The following BTBD9 variants were observed in gnomAD, a reference collection of about 807,000 sequenced individuals.
The protein encoded by BTBD9 is BTB domain containing 9.
BTBD9 carries 49 observed loss-of-function variants against 64.3 expected under a neutral mutation model. That is an observed-to-expected ratio of 0.76 (90% CI 0.61 to 0.97). The LOEUF (loss-of-function observed/expected upper bound fraction) is 0.97, where lower values mean the gene tolerates loss of function less well. BTBD9 is among the 50% of genes least tolerant of loss of function. The probability of loss-of-function intolerance (pLI) is 0.00; values close to 1 mark genes in which losing one functional copy is unlikely to be tolerated. For missense variants in BTBD9, 598 were observed against 762.1 expected, an observed-to-expected ratio of 0.78 and a Z score of 2.53; for synonymous variants, 260 against 274.7, an observed-to-expected ratio of 0.95 and a Z score of 0.53.
At chr6:38,427,931 A>G (rs1768248738) in intron 6 of BTBD9, among the ~76,000 whole-genome samples, 1 of 152,004 alleles carries the variant, frequency 6.6e-6, no homozygotes, top group Non-Finnish European at 1.5e-5. Flanking sequence ...TTACTCCTGA[A>G]CAGTGTAATG....
chr6:38,453,751 C>T (rs913946905), intron 6 of BTBD9, among the ~76,000 whole-genome samples: 2 of 152,126 alleles, frequency 1.3e-5, no homozygotes, highest in African/African-American at 4.8e-5. Context: ...TGCCTATCAT[C>T]CCAAATGGAG....
intron 6 of BTBD9, among the ~76,000 whole-genome samples, chr6:38,506,113 C>T (rs1459454975): frequency 6.6e-6 from 1 of 152,094 alleles, no homozygotes; most frequent in Non-Finnish European, 1.5e-5. Context: ...CCAAAGTTCT[C>T]CCTCCTCCCT....
rs1285525350 is a variant in BTBD9 at position 38,299,191 on chromosome 6, A to AT, written c.1265-10731dup. On this transcript the variant is annotated intron_variant, in intron 7 of 10. Transcript: ENST00000481247. ...TCCCCACAAAGGACATGAACTCATCATTTTTTATGGCTGCATAGTATTCCA... is the reference window on the plus strand; with the variant it reads ...TCCCCACAAAGGACATGAACTCATCATTTTTTTATGGCTGCATAGTATTCCA... Among the ~76,000 whole-genome samples, 13 of 152,216 alleles carry AT rather than the reference A, an allele frequency of 8.5e-5. No individual in the cohort carries two copies. The East Asian group carries it at 1.5e-3, about 18-fold the overall frequency.
chr6:38,503,842 C>T (rs1484241237), intron 6 of BTBD9, among the ~76,000 whole-genome samples: 5 of 152,190 alleles, frequency 3.3e-5, no homozygotes, highest in African/African-American at 4.8e-5. Context: ...TGATTCAAAT[C>T]CATGGGCAAC....
intron 6 of BTBD9, among the ~76,000 whole-genome samples, chr6:38,438,165 GA>G (rs1246331935): frequency 3.0e-5 from 4 of 133,052 alleles, no homozygotes; most frequent in East Asian, 2.2e-4. Flanking sequence ...GGCCAAACAG[GA>G]AAAAAAAAGG....
At chr6:38,392,875 A>AT (rs11403915) in intron 6 of BTBD9, among the ~76,000 whole-genome samples, 81,147 of 137,182 alleles carry the variant, frequency 0.59, 24,633 homozygotes, top group East Asian at 0.94. Context: ...TAAGACAATG[A>AT]TTTTTTTTTT....
chr6:38,569,464 T>G (rs1181927405), intron 6 of BTBD9, among the ~76,000 whole-genome samples: 3 of 152,176 alleles, frequency 2.0e-5, no homozygotes. Flanking sequence ...AAGCAACTGT[T>G]AGCAGAGGCA....
chr6:38,225,325 A>C (rs1428618961), intron 9 of BTBD9, among the ~76,000 whole-genome samples: 1 of 152,216 alleles, frequency 6.6e-6, no homozygotes, highest in Non-Finnish European at 1.5e-5. Context: ...TGAAGTCACC[A>C]GCAGTGAAAT....
intron 9 of BTBD9, among the ~76,000 whole-genome samples, chr6:38,213,043 C>A (rs537406881): frequency 1.3e-5 from 2 of 150,604 alleles, no homozygotes; most frequent in African/African-American, 4.9e-5. Flanking sequence ...TTTAAGGCTG[C>A]TTTTGTGGAA....
At chr6:38,332,149 A>G (rs917618394) in intron 7 of BTBD9, among the ~76,000 whole-genome samples, 3 of 152,028 alleles carry the variant, frequency 2.0e-5, no homozygotes. Context: ...TTTGTCATGT[A>G]TGTTGCAATT....
chr6:38,335,690 C>T (rs538483517), intron 7 of BTBD9, among the ~76,000 whole-genome samples: 2 of 151,930 alleles, frequency 1.3e-5, no homozygotes, highest in South Asian at 2.1e-4. Context: ...CTCAGCCTCC[C>T]GAGTAGCTGA....
intron 9 of BTBD9, among the ~76,000 whole-genome samples, chr6:38,245,067 C>A (rs1764135023): frequency 6.6e-6 from 1 of 152,186 alleles, no homozygotes; most frequent in South Asian, 2.1e-4. Context: ...AGAGCAATGG[C>A]ACGCATGCTT....
At chr6:38,333,894 C>T (rs1396565101) in intron 7 of BTBD9, among the ~76,000 whole-genome samples, 2 of 152,080 alleles carry the variant, frequency 1.3e-5, no homozygotes, top group African/African-American at 2.4e-5. Context: ...ATAGGTAGAA[C>T]TGGAACAGCC....
intron 9 of BTBD9, among the ~76,000 whole-genome samples, chr6:38,205,704 C>A: frequency 6.6e-6 from 1 of 151,040 alleles, no homozygotes. Context: ...GCCAACATGG[C>A]AAAACCCCTT....
At chr6:38,261,274 T>C (rs2127538068) in intron 8 of BTBD9, among the ~76,000 whole-genome samples, 1 of 152,278 alleles carries the variant, frequency 6.6e-6, no homozygotes, top group Non-Finnish European at 1.5e-5. Flanking sequence ...TCTATGATTA[T>C]TGTCTTTGAA....
intron 1 of BTBD9, among the ~76,000 whole-genome samples, chr6:38,600,503 A>G (rs1296488687): frequency 6.6e-6 from 1 of 152,182 alleles, no homozygotes; most frequent in Admixed American, 6.5e-5. Flanking sequence ...AAATTCAGAA[A>G]GCTACTGGTA....
chr6:38,634,901 G>A (rs1270080671), intron 1 of BTBD9, among the ~76,000 whole-genome samples: 1 of 152,168 alleles, frequency 6.6e-6, no homozygotes, highest in Non-Finnish European at 1.5e-5. Context: ...AGAGAGTCTG[G>A]AGGCTGTTAA....
At chr6:38,465,834 C>CTT (rs368219474) in intron 6 of BTBD9, among the ~76,000 whole-genome samples, 865 of 69,626 alleles carry the variant, frequency 0.012, 147 homozygotes, top group African/African-American at 0.044. Flanking sequence ...TTCTTTTTTC[C>CTT]TTTTTTTTTT....
intron 7 of BTBD9, among the ~76,000 whole-genome samples, chr6:38,331,238 G>A (rs576207752): frequency 1.8e-4 from 27 of 152,342 alleles, no homozygotes; most frequent in South Asian, 1.2e-3. Context: ...CCAGCACTTC[G>A]GGAGACCGAG....
Sources: allele counts gnomAD v4.1 joint callset (sites outside exome capture counted in the v4.1 genomes callset), GRCh38; gene constraint gnomAD v4.1.1; transcripts MANE v1.5; gene names NCBI Gene and HGNC (gene_info 2026-07-23, HGNC 2026-07-21).